The following PCED1B variants were observed in gnomAD, a reference collection of about 807,000 sequenced individuals.
The protein encoded by PCED1B is PC-esterase domain containing 1B.
For synonymous variants in PCED1B, 251 were observed against 246.1 expected, an observed-to-expected ratio of 1.02 and a Z score of -0.19; for missense variants, 573 against 573.9, an observed-to-expected ratio of 1.00 and a Z score of 0.02.
chr12:47,109,684 C>A (rs1939107822), intron 2 of PCED1B, among the ~76,000 whole-genome samples: 1 of 152,100 alleles, frequency 6.6e-6, no homozygotes, highest in Non-Finnish European at 1.5e-5. Flanking sequence ...ATAACATATT[C>A]ATTGAAAACT....
At chr12:47,217,808 C>A (rs1385264815) in intron 3 of PCED1B, among the ~76,000 whole-genome samples, 4 of 152,136 alleles carry the variant, frequency 2.6e-5, no homozygotes, top group Non-Finnish European at 5.9e-5. Context: ...AACTCCAGAC[C>A]TCAGGTGATC....
intron 2 of PCED1B, among the ~76,000 whole-genome samples, chr12:47,164,867 A>T (rs1361623000): frequency 6.6e-6 from 1 of 152,234 alleles, no homozygotes; most frequent in Non-Finnish European, 1.5e-5. Context: ...TTATGTGGCT[A>T]GTTGAGTCAC....
At chr12:47,108,611 T>C (rs1434533438) in intron 2 of PCED1B, among the ~76,000 whole-genome samples, 1 of 152,246 alleles carries the variant, frequency 6.6e-6, no homozygotes, top group Non-Finnish European at 1.5e-5. Flanking sequence ...CACATATTTA[T>C]TGGCCCTTTG....
chr12:47,116,443 A>C (rs1210982560), intron 2 of PCED1B, among the ~76,000 whole-genome samples: 1 of 152,186 alleles, frequency 6.6e-6, no homozygotes, highest in East Asian at 1.9e-4. Context: ...ATCTGCTGAA[A>C]AAAATAGATT....
In PCED1B at chr12:47,202,594, T is replaced by TAA. The variant is rs60769675; in HGVS notation, c.-525-13604_-525-13603dup. 9.5e-3 allele frequency among the ~76,000 whole-genome samples: 630 copies of TAA among 66,642 alleles called. 8 individuals carry two copies. Among genetic ancestry groups the TAA allele is most frequent in the Non-Finnish European group, 0.014 (491 of 34,038 alleles). 43.7% of individuals were successfully genotyped at this position (66,642 alleles called of 152,430 possible). On this transcript the variant is annotated intron_variant, in intron 2 of 3. Coordinates refer to ENST00000546455, the MANE Select transcript of PCED1B (RefSeq NM_138371.3). ...TGACTCCTTCACGTCTAGACATTAG[T>TAA]AAAAAAAAAAAAAAAAAAAAAAAAA... is the stretch of plus-strand genomic sequence containing the variant.
At chr12:47,194,510 A>G (rs1280628248) in intron 2 of PCED1B, among the ~76,000 whole-genome samples, 1 of 152,194 alleles carries the variant, frequency 6.6e-6, no homozygotes, top group Non-Finnish European at 1.5e-5. Flanking sequence ...ACTAATTTAG[A>G]ACCACAAATG....
At chr12:47,098,286 T>C (rs2137204937) in intron 1 of PCED1B, among the ~76,000 whole-genome samples, 1 of 152,330 alleles carries the variant, frequency 6.6e-6, no homozygotes, top group South Asian at 2.1e-4. Context: ...GACTATGGAC[T>C]GCAGCTGAGA....
At chr12:47,121,721 G>C (rs1939685083) in intron 2 of PCED1B, among the ~76,000 whole-genome samples, 1 of 152,102 alleles carries the variant, frequency 6.6e-6, no homozygotes, top group South Asian at 2.1e-4. Context: ...TCCTGTCTCT[G>C]TCAAAATAAG....
chr12:47,232,094 T>A (rs965235757), intron 3 of PCED1B, among the ~76,000 whole-genome samples: 2 of 152,222 alleles, frequency 1.3e-5, no homozygotes, highest in Admixed American at 6.5e-5. Flanking sequence ...GTGGAGCATA[T>A]AGTAGGCACT....
At chr12:47,196,611 T>G (rs558403887) in intron 2 of PCED1B, among the ~76,000 whole-genome samples, 7 of 152,308 alleles carry the variant, frequency 4.6e-5, no homozygotes, top group Non-Finnish European at 1.0e-4. Context: ...GCAGATCACC[T>G]GAGGCCAGGA....
chr12:47,205,571 G>C (rs1023838488), intron 2 of PCED1B, among the ~76,000 whole-genome samples: 5 of 152,170 alleles, frequency 3.3e-5, no homozygotes, highest in African/African-American at 7.2e-5. Context: ...CCTATACCCA[G>C]GAATGGTGTA....
At chr12:47,215,888 C>A (rs918708036) in intron 2 of PCED1B, among the ~76,000 whole-genome samples, 3 of 144,284 alleles carry the variant, frequency 2.1e-5, no homozygotes, top group Admixed American at 2.0e-4. Flanking sequence ...AACACCATCT[C>A]TACTAAAAAT....
chr12:47,121,927 G>T (rs1397894198), intron 2 of PCED1B, among the ~76,000 whole-genome samples: 1 of 151,590 alleles, frequency 6.6e-6, no homozygotes, highest in East Asian at 1.9e-4. Context: ...AGCTACTCGG[G>T]AGGCTGAGGC....
intron 2 of PCED1B, among the ~76,000 whole-genome samples, chr12:47,199,465 A>G (rs989451262): frequency 1.3e-5 from 2 of 152,222 alleles, no homozygotes; most frequent in Non-Finnish European, 2.9e-5. Flanking sequence ...CAGAAGTGAA[A>G]GACTGACACT....
At chr12:47,207,420 C>G (rs1942944835) in intron 2 of PCED1B, among the ~76,000 whole-genome samples, 2 of 152,062 alleles carry the variant, frequency 1.3e-5, no homozygotes, top group Non-Finnish European at 2.9e-5. Context: ...GTGTGAGGCC[C>G]AGGGGCACAC....
At chr12:47,180,467 TAACTC>T (rs1942059057) in intron 2 of PCED1B, among the ~76,000 whole-genome samples, 1 of 152,112 alleles carries the variant, frequency 6.6e-6, no homozygotes, top group East Asian at 1.9e-4. Flanking sequence ...ATACAAAAAT[TAACTC>T]AAGATGGATT....
intron 2 of PCED1B, among the ~76,000 whole-genome samples, chr12:47,155,317 A>G (rs910278057): frequency 6.6e-6 from 1 of 152,204 alleles, no homozygotes; most frequent in Non-Finnish European, 1.5e-5. Flanking sequence ...ACTAAGAAAG[A>G]AAAGTCACTG....
At chr12:47,202,277 T>C (rs979033675) in intron 2 of PCED1B, among the ~76,000 whole-genome samples, 18 of 151,992 alleles carry the variant, frequency 1.2e-4, no homozygotes, top group African/African-American at 3.6e-4. Context: ...CCTGGATTGG[T>C]TAAAAGTCTG....
rs774300313 is a variant in PCED1B at position 47,235,773 on chromosome 12, A to C, written c.710A>C (p.His237Pro). Residue 237 changes from histidine (H) to proline (P), a missense_variant, in exon 4 of 4, where the codon CAC becomes CCC. By Grantham distance (77) the His-to-Pro change is moderately conservative (BLOSUM62 -2). Transcript: ENST00000546455. Reference sequence around the variant, plus strand: ...GGGGTGCACTGGAATGGACGTGTGCACCGCTGCCTCTCCCAGCTGCTGCTG... The same window carrying C: ...GGGGTGCACTGGAATGGACGTGTGCCCCGCTGCCTCTCCCAGCTGCTGCTG... ...WDGVHWNGRV[H>P]RCLSQLLLAH... The C allele has an allele frequency of 6.3e-7, 1 of 1,586,132 alleles. No homozygotes were observed. Among genetic ancestry groups the C allele is most frequent in the East Asian group, 2.3e-5 (1 of 43,198 alleles).
Sources: allele counts gnomAD v4.1 joint callset (sites outside exome capture counted in the v4.1 genomes callset), GRCh38; gene constraint gnomAD v4.1.1; transcripts MANE v1.5; gene names NCBI Gene and HGNC (gene_info 2026-07-23, HGNC 2026-07-21).